The following EYA2 variants were observed in gnomAD, a reference collection of about 807,000 sequenced individuals.
EYA2 encodes protein phosphatase EYA2.
Under a neutral mutation model 69.2 loss-of-function variants are expected in EYA2, and 31 were observed. The observed-to-expected ratio is 0.45, with a 90% confidence interval of 0.34 to 0.60. EYA2 has a LOEUF of 0.60. Among genes scored for constraint, EYA2 ranks in the 20% least tolerant of loss-of-function variants. EYA2 has a pLI of 0.02. For missense variants in EYA2, 622 were observed against 701.2 expected, an observed-to-expected ratio of 0.89 and a Z score of 1.28; for synonymous variants, 257 against 279.4, an observed-to-expected ratio of 0.92 and a Z score of 0.80.
At chr20:47,106,486 G>T (rs1176930410) in intron 9 of EYA2, among the ~76,000 whole-genome samples, 1 of 152,112 alleles carries the variant, frequency 6.6e-6, no homozygotes, top group Non-Finnish European at 1.5e-5. Flanking sequence ...TCCTCACCAG[G>T]TTATATCAGA....
intron 5 of EYA2, among the ~76,000 whole-genome samples, chr20:47,058,634 C>T (rs1236645554): frequency 6.6e-6 from 1 of 152,122 alleles, no homozygotes; most frequent in African/African-American, 2.4e-5. Context: ...CACTTGAGGC[C>T]AGGAGTTTGA....
At chr20:47,051,103 G>A (rs1277800419) in intron 5 of EYA2, among the ~76,000 whole-genome samples, 11 of 152,402 alleles carry the variant, frequency 7.2e-5, no homozygotes, top group Admixed American at 5.9e-4. Context: ...CTAACCAGAT[G>A]TTGGCCTCTG....
At chr20:46,952,668 G>A (rs146850061) in intron 1 of EYA2, among the ~76,000 whole-genome samples, 2,754 of 152,218 alleles carry the variant, frequency 0.018, 34 homozygotes, top group South Asian at 0.046. Flanking sequence ...GGTCCCCTCC[G>A]CAGGCCACCC....
At chr20:46,961,257 C>T (rs564891174) in intron 1 of EYA2, among the ~76,000 whole-genome samples, 4 of 152,064 alleles carry the variant, frequency 2.6e-5, no homozygotes, top group Admixed American at 6.6e-5. Flanking sequence ...ACCCAGGAGA[C>T]GGAGGTTACA....
At chr20:47,186,479 C>T (rs373409519) in intron 15 of EYA2, among the ~76,000 whole-genome samples, 1 of 151,338 alleles carries the variant, frequency 6.6e-6, no homozygotes, top group Non-Finnish European at 1.5e-5. Context: ...CCTGCCCCAG[C>T]CTCCCAAGTA....
intron 6 of EYA2, among the ~76,000 whole-genome samples, chr20:47,072,762 C>T (rs2031361560): frequency 6.6e-6 from 1 of 152,210 alleles, no homozygotes; most frequent in Non-Finnish European, 1.5e-5. Context: ...TAAGAGTTCG[C>T]ATCTGCTCAA....
At chr20:47,114,782 G>A (rs2868852) in intron 9 of EYA2, among the ~76,000 whole-genome samples, 31,081 of 152,128 alleles carry the variant, frequency 0.2, 3,278 homozygotes, top group Middle Eastern at 0.31. Context: ...GGCTTGTGAG[G>A]ATCCCACATG....
intron 3 of EYA2, among the ~76,000 whole-genome samples, chr20:47,002,362 C>G (rs944504667): frequency 1.3e-5 from 2 of 152,164 alleles, no homozygotes; most frequent in African/African-American, 4.8e-5. Flanking sequence ...CTCTCCCCTA[C>G]CCTTCCCTAA....
intron 1 of EYA2, among the ~76,000 whole-genome samples, chr20:46,927,064 A>G (rs985114471): frequency 6.6e-6 from 1 of 152,118 alleles, no homozygotes; most frequent in African/African-American, 2.4e-5. Flanking sequence ...AGTGGCAGTC[A>G]TTTTCCTTGA....
At chr20:47,059,634 C>A (rs1467468216) in intron 5 of EYA2, among the ~76,000 whole-genome samples, 1 of 152,242 alleles carries the variant, frequency 6.6e-6, no homozygotes, top group Non-Finnish European at 1.5e-5. Flanking sequence ...TAGGCATGAG[C>A]CACTGTACCT....
intron 1 of EYA2, chr20:46,978,712 C>G (rs1980618877): frequency 1.9e-6 from 1 of 533,740 alleles, no homozygotes; most frequent in Non-Finnish European, 3.8e-6. Context: ...CCGGTGGCCC[C>G]AGGGAGGTGG....
rs1196001453 is a variant in EYA2, at chr20:47,074,183, C to T, written c.509C>T (p.Pro170Leu). 1.2e-6 allele frequency: 2 copies of T among 1,612,728 alleles called. No individual in the cohort carries two copies. The highest frequency in any genetic ancestry group is 2.7e-5 in the African/African-American group (2 of 74,876). Residue 170 changes from proline (P) to leucine (L), a missense_variant, in exon 7 of 16, where the codon CCC (proline) becomes CTC (leucine). Physicochemically the swap from Pro to Leu is moderately conservative, Grantham distance 98 (BLOSUM62 -3). Coordinates refer to ENST00000327619, the MANE Select transcript of EYA2 (RefSeq NM_005244.5). The part of the protein sequence containing the change: ...HQDYPSYPGF[P>L]QSQYPQYYGS... ...GACTATCCTTCCTACCCCGGCTTCCCCCAGAGCCAGTACCCCCAGTATTAC... is the reference window on the plus strand; with the variant it reads ...GACTATCCTTCCTACCCCGGCTTCCTCCAGAGCCAGTACCCCCAGTATTAC...
intron 2 of EYA2, among the ~76,000 whole-genome samples, chr20:46,991,915 C>A (rs1981682833): frequency 7.2e-6 from 1 of 138,206 alleles, no homozygotes; most frequent in South Asian, 2.4e-4. Flanking sequence ...TTGCAGTGAG[C>A]CGAGATCGTA....
At chr20:47,104,987 C>CTCCA (rs1444017007) in intron 9 of EYA2, among the ~76,000 whole-genome samples, 1 of 152,170 alleles carries the variant, frequency 6.6e-6, no homozygotes. Flanking sequence ...TGCCATTGCA[C>CTCCA]TCCAGCCTGG....
chr20:47,129,155 G>T (rs1382871232), intron 9 of EYA2, among the ~76,000 whole-genome samples: 2 of 152,154 alleles, frequency 1.3e-5, no homozygotes, highest in African/African-American at 4.8e-5. Context: ...CCAAGCATCT[G>T]CCATTCAAGC....
At chr20:46,902,326 T>G (rs776926078) in intron 1 of EYA2, among the ~76,000 whole-genome samples, 6 of 152,244 alleles carry the variant, frequency 3.9e-5, no homozygotes, top group South Asian at 2.1e-4. Context: ...CAGGTTTTAT[T>G]GAACACTTAT....
intron 9 of EYA2, among the ~76,000 whole-genome samples, chr20:47,112,122 C>G (rs2032761682): frequency 6.6e-6 from 1 of 152,076 alleles, no homozygotes; most frequent in Non-Finnish European, 1.5e-5. Context: ...GTTTGGCCAA[C>G]AGAGCAAGAC....
intron 5 of EYA2, among the ~76,000 whole-genome samples, chr20:47,062,583 A>C (rs2030933681): frequency 6.6e-6 from 1 of 152,174 alleles, no homozygotes; most frequent in Non-Finnish European, 1.5e-5. Flanking sequence ...GCTCTTTCGA[A>C]CTGAAAATAT....
intron 13 of EYA2, among the ~76,000 whole-genome samples, chr20:47,180,528 A>G (rs2073172): frequency 0.52 from 79,411 of 152,006 alleles, 21,857 homozygotes; most frequent in African/African-American, 0.7. Context: ...GTTCCATATC[A>G]CTCATTTACA....
Sources: gnomAD v4.1 joint callset for allele counts (sites outside exome capture counted in the v4.1 genomes callset) on GRCh38, gnomAD v4.1.1 for gene constraint, MANE v1.5 for transcripts, NCBI Gene and HGNC (gene_info 2026-07-23, HGNC 2026-07-21) for gene names.